PAX3: variants seen among roughly 807,000 people sequenced by gnomAD.
PAX3 encodes the protein paired box 3, also known as paired box protein Pax-3.
A neutral mutation model predicts 51.6 loss-of-function variants in PAX3; 14 were observed. The observed-to-expected ratio is 0.27, with a 90% confidence interval of 0.18 to 0.42. The LOEUF is 0.42. Ranked by LOEUF, PAX3 falls within the 10% of genes least tolerant of loss-of-function variation. The probability of loss-of-function intolerance (pLI) is 1.00; values close to 1 mark genes in which losing one functional copy is unlikely to be tolerated. For synonymous variants in PAX3, 280 were observed against 253.4 expected (o/e 1.11, Z -1.00); for missense variants, 540 against 642.8 (o/e 0.84, Z 1.73).
rs374233054 is a variant in PAX3 at position 222,257,945 on chromosome 2, G to A, written c.587-25662C>T. ...GAGGAGCTTTGTAATAGGGATGGAC[G>A]GCAAACCCTTCTGGGGAAAAAGGAA... On this transcript the variant is annotated intron_variant, in intron 4 of 8. Coordinates refer to ENST00000392070, the MANE Select transcript of PAX3 (RefSeq NM_181458.4). Among the ~76,000 whole-genome samples, 8 of 152,228 alleles carry A rather than the reference G, an allele frequency of 5.3e-5. No homozygotes were observed. In the East Asian group the frequency reaches 5.8e-4, roughly 11 times the overall value.
At chr2:222,218,156 T>C (rs1262446793) in intron 7 of PAX3, among the ~76,000 whole-genome samples, 4 of 152,134 alleles carry the variant, frequency 2.6e-5, no homozygotes, top group Admixed American at 6.6e-5. Flanking sequence ...ATGTAAGATA[T>C]AGTAAAGAAA....
chr2:222,203,783 C>A (rs528935274), intron 7 of PAX3, among the ~76,000 whole-genome samples: 71 of 152,288 alleles, frequency 4.7e-4, no homozygotes, highest in African/African-American at 1.6e-3. Context: ...AAGCTCTGAG[C>A]TGATCCATCT....
intron 4 of PAX3, among the ~76,000 whole-genome samples, chr2:222,238,930 T>G (rs1353276330): frequency 6.6e-6 from 1 of 152,174 alleles, no homozygotes; most frequent in Non-Finnish European, 1.5e-5. Flanking sequence ...CTTGTGAGTT[T>G]TGCCATTCAA....
chr2:222,293,705 A>C, intron 4 of PAX3: 1 of 1,602,578 alleles, frequency 6.2e-7, no homozygotes. Context: ...CCAAAAGAGT[A>C]CTCTCTCTCT....
intron 4 of PAX3, among the ~76,000 whole-genome samples, chr2:222,276,662 G>A (rs943103683): frequency 2.6e-5 from 4 of 152,268 alleles, no homozygotes; most frequent in Admixed American, 6.5e-5. Flanking sequence ...AAGCAACCAG[G>A]TCCCAGTAAT....
At chr2:222,280,218 A>C (rs1481248597) in intron 4 of PAX3, among the ~76,000 whole-genome samples, 1 of 150,684 alleles carries the variant, frequency 6.6e-6, no homozygotes, top group Non-Finnish European at 1.5e-5. Flanking sequence ...TCAGGAAGAA[A>C]GAAAGAAAGA....
At chr2:222,249,821 T>C (rs946234632) in intron 4 of PAX3, among the ~76,000 whole-genome samples, 42 of 152,194 alleles carry the variant, frequency 2.8e-4, no homozygotes, top group African/African-American at 9.6e-4. Flanking sequence ...AATGACACAG[T>C]ATAAAATATC....
At chr2:222,244,738 A>G (rs1314003097) in intron 4 of PAX3, among the ~76,000 whole-genome samples, 1 of 99,462 alleles carries the variant, frequency 1.0e-5, no homozygotes, top group Non-Finnish European at 2.2e-5. Context: ...GTTCACCAAA[A>G]AAAAAAAAAA....
chr2:222,279,014 G>A (rs1427938985), intron 4 of PAX3, among the ~76,000 whole-genome samples: 6 of 152,106 alleles, frequency 3.9e-5, no homozygotes, highest in Admixed American at 3.3e-4. Context: ...GCAGTGGTGC[G>A]ATCTTGGCTC....
chr2:222,274,558 T>A (rs889853811), intron 4 of PAX3, among the ~76,000 whole-genome samples: 4 of 152,074 alleles, frequency 2.6e-5, no homozygotes, highest in African/African-American at 4.8e-5. Flanking sequence ...CTGCTTTTGC[T>A]ACTTTAGAGT....
chr2:222,259,477 C>T (rs1324205115), intron 4 of PAX3, among the ~76,000 whole-genome samples: 1 of 152,114 alleles, frequency 6.6e-6, no homozygotes, highest in African/African-American at 2.4e-5. Context: ...TAGCATTCTA[C>T]CAATCAACAT....
In PAX3 at chr2:222,298,547, G is replaced by A; in HGVS notation, c.69C>T (p.Ser23=). ...CTCCCTTACCTTCCAGCGGGAACCC[G>A]CTACGCGGGTAGTTCTGCCCCGGGC... ...RPGPGQNYPR[S]GFPLEVSTPL... The change falls in exon 1 of 9, where the codon AGC becomes AGT. Residue 23 remains serine, a synonymous_variant. Coordinates refer to ENST00000392070, the MANE Select transcript of PAX3 (RefSeq NM_181458.4). The A allele has an allele frequency of 6.2e-7, 1 of 1,605,282 alleles. No homozygotes were observed. Among genetic ancestry groups the A allele is most frequent in the South Asian group, 1.1e-5 (1 of 89,580 alleles).
At chr2:222,233,291 T>G (rs769656347) in intron 4 of PAX3, among the ~76,000 whole-genome samples, 1 of 151,964 alleles carries the variant, frequency 6.6e-6, no homozygotes, top group Non-Finnish European at 1.5e-5. Flanking sequence ...TGTACTCACA[T>G]GTGGAAGGGA....
At chr2:222,229,051 G>C (rs1692485633) in intron 5 of PAX3, among the ~76,000 whole-genome samples, 1 of 152,074 alleles carries the variant, frequency 6.6e-6, no homozygotes, top group Non-Finnish European at 1.5e-5. Flanking sequence ...AAAGAGGCAT[G>C]ATTGGACCTC....
At chr2:222,273,827 A>G (rs2106163089) in intron 4 of PAX3, among the ~76,000 whole-genome samples, 1 of 152,276 alleles carries the variant, frequency 6.6e-6, no homozygotes, top group East Asian at 1.9e-4. Context: ...TCTTAGAACT[A>G]TAATCAAATA....
rs1018963468 is a variant in PAX3, at chr2:222,298,438, A to C, written c.85+93T>G. Reference sequence around the variant, plus strand: ...GGTGCCCAGGGAATGGGCTTCCTGGAAGCACCAAAGGAGCCTGCGGAGCCT... The same window carrying C: ...GGTGCCCAGGGAATGGGCTTCCTGGCAGCACCAAAGGAGCCTGCGGAGCCT... On this transcript the variant is annotated intron_variant, in intron 1 of 8. Transcript: ENST00000392070. 1.1e-5 allele frequency: 12 copies of C among 1,051,792 alleles called. No homozygotes were observed. In the African/African-American group the frequency reaches 1.7e-4, roughly 15 times the overall value. 65.2% of individuals were successfully genotyped at this position (1,051,792 alleles called of 1,614,324 possible).
At chr2:222,220,534 C>G (rs116204259) in intron 6 of PAX3, among the ~76,000 whole-genome samples, 180 bp from the exon 7 acceptor site, 2 of 152,246 alleles carry the variant, frequency 1.3e-5, no homozygotes, top group Non-Finnish European at 2.9e-5. Flanking sequence ...TACAGTCACA[C>G]CTATCTCTGC....
chr2:222,214,323 T>C (rs1274846727), intron 7 of PAX3: 1 of 152,204 alleles, frequency 6.6e-6, no homozygotes, highest in Admixed American at 6.5e-5. Context: ...CTAATACATA[T>C]ATGCATGAAA....
intron 4 of PAX3, among the ~76,000 whole-genome samples, chr2:222,269,533 A>C (rs953180105): frequency 3.3e-5 from 5 of 152,160 alleles, no homozygotes; most frequent in African/African-American, 1.2e-4. Flanking sequence ...CTTTTCCTTA[A>C]GTAGTGATTA....
Sources: allele counts gnomAD v4.1 joint callset (sites outside exome capture counted in the v4.1 genomes callset), GRCh38; gene constraint gnomAD v4.1.1; transcripts MANE v1.5; gene names NCBI Gene and HGNC (gene_info 2026-07-23, HGNC 2026-07-21).